Variants in KCNIP1 observed in about 807,000 individuals in gnomAD.
KCNIP1 encodes the protein A-type potassium channel modulatory protein KCNIP1.
KCNIP1 carries 18 observed loss-of-function variants against 33.0 expected under a neutral mutation model. The ratio of observed to expected loss-of-function variants is 0.55; its 90% CI spans 0.38 to 0.81. The LOEUF (loss-of-function observed/expected upper bound fraction) is 0.81. Among genes scored for constraint, KCNIP1 ranks in the 30% least tolerant of loss-of-function variants. The pLI is 0.00. For missense variants in KCNIP1, 238 were observed against 271.6 expected, an observed-to-expected ratio of 0.88 and a Z score of 0.87; for synonymous variants, 93 against 98.3, an observed-to-expected ratio of 0.95 and a Z score of 0.32.
In KCNIP1 at chr5:170,654,353, G is replaced by A. The variant is rs937769041; in HGVS notation, c.62-64405G>A. On this transcript the variant is annotated intron_variant, in intron 1 of 7. Coordinates refer to ENST00000328939, the MANE Select transcript of KCNIP1 (RefSeq NM_014592.4). ...AGCGGTAAAATGCAACCAAAGCCCC[G>A]AAGGAGCTCACATTCTAGTCATGTC... is the stretch of plus-strand genomic sequence containing the variant. Among the ~76,000 whole-genome samples, 29 of 152,228 alleles carry A rather than the reference G, an allele frequency of 1.9e-4. No homozygotes were observed. The South Asian group carries it at 2.7e-3, about 14-fold the overall frequency.
intron 1 of KCNIP1, among the ~76,000 whole-genome samples, chr5:170,472,716 AAT>A (rs1464143875): frequency 6.6e-5 from 10 of 152,172 alleles, no homozygotes; most frequent in African/African-American, 2.4e-4. Context: ...CACTTAGAAT[AAT>A]AGTCTCCAAT....
chr5:170,719,282 T>C (rs1263251209), intron 2 of KCNIP1, among the ~76,000 whole-genome samples: 1 of 151,864 alleles, frequency 6.6e-6, no homozygotes, highest in Non-Finnish European at 1.5e-5. Flanking sequence ...GTCGGTGTAT[T>C]AATTTACCTT....
chr5:170,729,107 A>G (rs1174139900), intron 5 of KCNIP1, among the ~76,000 whole-genome samples: 1 of 152,046 alleles, frequency 6.6e-6, no homozygotes, highest in East Asian at 1.9e-4. Context: ...CTTACTCGGT[A>G]CCATAAACAC....
At chr5:170,688,351 A>AT (rs1762611653) in intron 1 of KCNIP1, among the ~76,000 whole-genome samples, 1 of 152,230 alleles carries the variant, frequency 6.6e-6, no homozygotes, top group African/African-American at 2.4e-5. Flanking sequence ...AGAATGAAAG[A>AT]TTGAGCCAGA....
chr5:170,651,413 C>T (rs1197924923), intron 1 of KCNIP1, among the ~76,000 whole-genome samples: 1 of 152,122 alleles, frequency 6.6e-6, no homozygotes, highest in Non-Finnish European at 1.5e-5. Context: ...CAAACTTGGG[C>T]CTAATAAGAA....
At chr5:170,637,545 C>G (rs144014807) in intron 1 of KCNIP1, among the ~76,000 whole-genome samples, 8 of 152,336 alleles carry the variant, frequency 5.3e-5, no homozygotes, top group Admixed American at 5.2e-4. Context: ...TCTATTCCCT[C>G]AGATCTGACG....
chr5:170,383,591 C>G, intron 1 of KCNIP1: 1 of 1,464,600 alleles, frequency 6.8e-7, no homozygotes, highest in South Asian at 1.2e-5. Flanking sequence ...GTTGATCTTT[C>G]TCAGCCTCGG....
intron 1 of KCNIP1, among the ~76,000 whole-genome samples, chr5:170,401,791 A>T (rs1336088601): frequency 6.6e-6 from 1 of 151,760 alleles, no homozygotes; most frequent in Non-Finnish European, 1.5e-5. Context: ...TAATTTACTG[A>T]GTGCCTTCTT....
intron 1 of KCNIP1, among the ~76,000 whole-genome samples, chr5:170,495,967 T>C (rs913125247): frequency 6.6e-6 from 1 of 152,122 alleles, no homozygotes; most frequent in Non-Finnish European, 1.5e-5. Flanking sequence ...GGAGCGGAGA[T>C]CCTGGGAGCC....
At chr5:170,373,275 A>G (rs1456190019) in intron 1 of KCNIP1, among the ~76,000 whole-genome samples, 1 of 152,184 alleles carries the variant, frequency 6.6e-6, no homozygotes, top group Admixed American at 6.5e-5. Context: ...GGAGAAAACT[A>G]AAGCCCTCCT....
chr5:170,689,936 G>T (rs1046749395), intron 1 of KCNIP1, among the ~76,000 whole-genome samples: 1 of 152,074 alleles, frequency 6.6e-6, no homozygotes. Context: ...ACATTTCAAA[G>T]GTTTTCTGTT....
intron 1 of KCNIP1, among the ~76,000 whole-genome samples, chr5:170,699,967 A>G (rs1489732515): frequency 1.3e-5 from 2 of 152,078 alleles, no homozygotes; most frequent in East Asian, 1.9e-4. Flanking sequence ...ACAAGACTGT[A>G]TTTTCTTTGC....
chr5:170,404,793 C>A (rs1385207655), intron 1 of KCNIP1, among the ~76,000 whole-genome samples: 1 of 152,150 alleles, frequency 6.6e-6, no homozygotes, highest in Non-Finnish European at 1.5e-5. Context: ...AATATTGTGG[C>A]CATTTTTGCA....
At chr5:170,526,144 T>C (rs1057017836) in intron 1 of KCNIP1, among the ~76,000 whole-genome samples, 1 of 152,210 alleles carries the variant, frequency 6.6e-6, no homozygotes, top group African/African-American at 2.4e-5. Flanking sequence ...CACCTTGCAC[T>C]TGTGTGACCT....
intron 1 of KCNIP1, among the ~76,000 whole-genome samples, chr5:170,548,467 T>C (rs1188705700): frequency 2.0e-5 from 3 of 152,248 alleles, no homozygotes; most frequent in African/African-American, 7.2e-5. Context: ...GTACTGTGTT[T>C]GCACCTTTTA....
rs530890224 is a variant in KCNIP1, at chr5:170,385,037, T to A, written c.88+31073T>A. ...GCACTGGAACCTTTGCTCTGATTCT[T>A]TGCTATTTCTTCTGAGAAGGGCATC... On this transcript the variant is annotated intron_variant, in intron 1 of 7. Transcript: ENST00000377360. Among the ~76,000 whole-genome samples the A allele has an allele frequency of 2.6e-5, 4 of 152,186 alleles. No homozygotes were observed. The East Asian group carries it at 5.8e-4, about 22-fold the overall frequency.
At position 170,486,847 on chromosome 5, in the gene KCNIP1, C is replaced by T. The variant is rs6881824; in HGVS notation, c.88+132883C>T. ...CCTGTACCTGCCACCCTGAGCACAC[C>T]ACACTGGTACACGCCTGTGTACTTG... On this transcript the variant is annotated intron_variant, in intron 1 of 7. Transcript: ENST00000377360. Among the ~76,000 whole-genome samples the T allele has an allele frequency of 6.3e-3, 966 of 152,320 alleles. 9 individuals carry two copies. The highest frequency in any genetic ancestry group is 0.014 in the African/African-American group (581 of 41,564).
At chr5:170,419,362 A>C (rs1755417737) in intron 1 of KCNIP1, among the ~76,000 whole-genome samples, 1 of 152,178 alleles carries the variant, frequency 6.6e-6, no homozygotes, top group Admixed American at 6.5e-5. Context: ...AGTAAACACC[A>C]AATATTCCCT....
intron 1 of KCNIP1, among the ~76,000 whole-genome samples, chr5:170,582,824 G>C (rs1447138295): frequency 1.3e-5 from 2 of 152,226 alleles, no homozygotes; most frequent in African/African-American, 4.8e-5. Context: ...TGTGGGAGCA[G>C]TCAGCTGAGA....
Sources: gnomAD v4.1 joint callset for allele counts (sites outside exome capture counted in the v4.1 genomes callset) on GRCh38, gnomAD v4.1.1 for gene constraint, MANE v1.5 for transcripts, NCBI Gene and HGNC (gene_info 2026-07-23, HGNC 2026-07-21) for gene names.